Variants in FBN3 observed in about 807,000 individuals in gnomAD.
FBN3 encodes the protein fibrillin-3.
Under a neutral mutation model 330.1 loss-of-function variants are expected in FBN3, and 234 were observed. That is an observed-to-expected ratio of 0.71 (90% confidence interval 0.64 to 0.79). The LOEUF is 0.79. FBN3 is among the 30% of genes least tolerant of loss of function. The pLI is 0.00. For missense variants in FBN3, 3,606 were observed against 3,886.9 expected, an observed-to-expected ratio of 0.93 and a Z score of 1.92; for synonymous variants, 1,458 against 1,517.3, an observed-to-expected ratio of 0.96 and a Z score of 0.91.
chr19:8,146,246 G>T, intron 3 of FBN3, 21 bp from the exon 4 acceptor site: 1 of 1,570,336 alleles, frequency 6.4e-7, no homozygotes, highest in Non-Finnish European at 8.6e-7. Flanking sequence ...GCAGCGGGTG[G>T]CAGTCAAGAC....
Position 8,144,921 on chromosome 19 carries a change from C to A in FBN3, c.497G>T (p.Arg166Leu). The change falls in exon 6 of 64, where the codon CGC (arginine) becomes CTC (leucine). Residue 166 changes from arginine to leucine, a missense_variant. Transcript: ENST00000600128. Reference sequence around the variant, plus strand: ...CATGAAGCCATACACACAGGCGCAGCGGTTGGGCCCAATGCAGCGACCCCC... The same window carrying A: ...CATGAAGCCATACACACAGGCGCAGAGGTTGGGCCCAATGCAGCGACCCCC... ...HNGGRCIGPN[R>L]CACVYGFMGP... 1 of 1,612,428 alleles carries A rather than the reference C, an allele frequency of 6.2e-7. No individual in the cohort carries two copies. The highest frequency in any genetic ancestry group is 8.5e-7 in the Non-Finnish European group (1 of 1,179,676).
intron 8 of FBN3, 79 bp downstream of exon 8, chr19:8,141,638 C>T: frequency 6.6e-7 from 1 of 1,515,396 alleles, no homozygotes; most frequent in South Asian, 1.3e-5. Context: ...GACCCCTCTG[C>T]CTTCCTGCAG....
Position 8,096,742 on chromosome 19 carries a change from T to C in FBN3, c.5413+139A>G. 1 of 1,287,610 alleles carries C rather than the reference T, an allele frequency of 7.8e-7. No homozygotes were observed. The highest frequency in any genetic ancestry group is 1.1e-6 in the Non-Finnish European group (1 of 929,550). 79.8% of individuals were successfully genotyped at this position (1,287,610 alleles called of 1,614,324 possible). On this transcript the variant is annotated intron_variant, in intron 43 of 63. Transcript: ENST00000600128. The surrounding 1 kb of genome is among the most constrained non-coding windows in gnomAD (Gnocchi z 4.6). ...AGCTCTCACCTCTATCACATCCTAT[T>C]AACAGACACTCTCAATACATCCCCC...
At position 8,083,298 on chromosome 19, in the gene FBN3, A is replaced by T; in HGVS notation, c.7162T>A (p.Cys2388Ser). The change falls in exon 57 of 64, where the codon TGC becomes AGC. Residue 2388 changes from cysteine to serine, a missense_variant. Cys to Ser is a moderately radical substitution (Grantham distance 112). Coordinates refer to ENST00000600128, the MANE Select transcript of FBN3 (RefSeq NM_032447.5). ...ECINSLGSFR[C>S]HCQAGYTPDA... ...GGTGTGTACCCGGCCTGACAGTGGCAGCGGAAGGAGCCAAGGCTGTTGATG... is the reference window on the plus strand; with the variant it reads ...GGTGTGTACCCGGCCTGACAGTGGCTGCGGAAGGAGCCAAGGCTGTTGATG... The T allele has an allele frequency of 6.2e-7, 1 of 1,614,164 alleles. No homozygotes were observed. The highest frequency in any genetic ancestry group is 1.1e-5 in the South Asian group (1 of 91,090).
chr19:8,114,260 G>GA (rs1402339198), intron 30 of FBN3, among the ~76,000 whole-genome samples: 1 of 148,034 alleles, frequency 6.8e-6, no homozygotes, highest in Non-Finnish European at 1.5e-5. Context: ...AAAAAAGTTT[G>GA]TTTTTTTGAG....
rs1009631217 is a variant in FBN3 at position 8,121,875 on chromosome 19, G to A, written c.3083-489C>T. Among the ~76,000 whole-genome samples the A allele has an allele frequency of 1.1e-4, 17 of 151,922 alleles. No homozygotes were observed. Among genetic ancestry groups the A allele is most frequent in the Admixed American group, 1.1e-3 (17 of 15,254 alleles). On this transcript the variant is annotated intron_variant, in intron 24 of 63. Coordinates refer to ENST00000600128, the MANE Select transcript of FBN3 (RefSeq NM_032447.5). The surrounding 1 kb of genome is among the most constrained non-coding windows in gnomAD (Gnocchi z 4.5). Reference sequence around the variant, plus strand: ...AGCGATTCTCCTGCCTCAGCCTCCCGAGTAGCTGGGATTACAGGTGTGTGC... The same window carrying A: ...AGCGATTCTCCTGCCTCAGCCTCCCAAGTAGCTGGGATTACAGGTGTGTGC...
chr19:8,083,915 G>A (rs2081871333), intron 56 of FBN3, among the ~76,000 whole-genome samples: 1 of 150,512 alleles, frequency 6.6e-6, no homozygotes, highest in Non-Finnish European at 1.5e-5. Flanking sequence ...CCATTCTCCT[G>A]CCTCAGCCTC....
intron 26 of FBN3, among the ~76,000 whole-genome samples, chr19:8,118,623 TCACA>T (rs2082764521): frequency 6.8e-6 from 1 of 147,624 alleles, no homozygotes; most frequent in Admixed American, 6.7e-5. Context: ...AGACACACAG[TCACA>T]CAAATGCACA....
chr19:8,096,619 G>A lies in FBN3; in HGVS notation c.5414-50C>T, dbSNP rs200759071. ...TCCCAGGGCTCCTACCACAGTGTTT[G>A]CCTGAGCTCTCCCTACTGCAATGGG... On this transcript the variant is annotated intron_variant, in intron 43 of 63. Coordinates refer to ENST00000600128, the MANE Select transcript of FBN3 (RefSeq NM_032447.5). The surrounding 1 kb of genome is among the most constrained non-coding windows in gnomAD (Gnocchi z 4.6). 1 of 1,560,134 alleles carries A rather than the reference G, an allele frequency of 6.4e-7. No homozygotes were observed. The highest frequency in any genetic ancestry group is 2.3e-5 in the East Asian group (1 of 44,336).
chr19:8,127,054 T>TTA (rs1403000084), intron 18 of FBN3, among the ~76,000 whole-genome samples: 1 of 110,260 alleles, frequency 9.1e-6, no homozygotes, highest in East Asian at 2.8e-4. Flanking sequence ...AACTGTTTTT[T>TTA]TTTTGTTTTT....
rs1268358625 is a variant in FBN3 at position 8,081,213 on chromosome 19, G to A, written c.7337-94C>T. 5 of 1,487,168 alleles carry A rather than the reference G, an allele frequency of 3.4e-6. No homozygotes were observed. The East Asian group carries it at 1.1e-4, about 34-fold the overall frequency. 92.1% of individuals were successfully genotyped at this position (1,487,168 alleles called of 1,614,324 possible). A position where few individuals can be genotyped will look rare whatever the true frequency, so the allele number is the denominator to read the frequency against. On this transcript the variant is annotated intron_variant, in intron 58 of 63. Transcript: ENST00000600128. ...GCCCTTGCCACCTCCAGGCAGAGGG[G>A]TGACAAGAGAAAGACCTCGGAGATG... is the stretch of plus-strand genomic sequence containing the variant.
rs2081839000 is a variant in FBN3, at chr19:8,082,854, A to G, written c.7213+393T>C. On this transcript the variant is annotated intron_variant, in intron 57 of 63. Coordinates refer to ENST00000600128, the MANE Select transcript of FBN3 (RefSeq NM_032447.5). ...TTCATTTTTTAAGAGACAGGGTCTCACTCTGTCACCCAGGCTGGACTGCAG... is the reference window on the plus strand; with the variant it reads ...TTCATTTTTTAAGAGACAGGGTCTCGCTCTGTCACCCAGGCTGGACTGCAG... Among the ~76,000 whole-genome samples, 4 of 139,872 alleles carry G rather than the reference A, an allele frequency of 2.9e-5. No homozygotes were observed. In the South Asian group the frequency reaches 8.8e-4, roughly 31 times the overall value. The allele number at this position is 139,872 out of a possible 152,430, so 91.8% of individuals were successfully genotyped here. A position where few individuals can be genotyped will look rare whatever the true frequency, so the allele number is the denominator to read the frequency against.
chr19:8,120,658 A>G (rs1564204), intron 25 of FBN3, among the ~76,000 whole-genome samples: 57,335 of 151,704 alleles, frequency 0.38, 11,657 homozygotes, highest in African/African-American at 0.52. Flanking sequence ...AAAAAACTTT[A>G]TAGTGACAGG....
chr19:8,118,996 G>C lies in FBN3; in HGVS notation c.3238C>G (p.Leu1080Val). The change falls in exon 26 of 64, where the codon CTG becomes GTG. Residue 1080 changes from leucine to valine, a missense_variant. Leu to Val is a conservative substitution (Grantham distance 32). Transcript: ENST00000600128. ...GTGCAAGTGCCTCCCCGGCAGAGCA[G>C]CGGGTCCCTTGCACACTCGTCCACG... ...MDVDECARDP[L>V]LCRGGTCTNT... 1 of 1,608,878 alleles carries C rather than the reference G, an allele frequency of 6.2e-7. No individual in the cohort carries two copies. The highest frequency in any genetic ancestry group is 8.5e-7 in the Non-Finnish European group (1 of 1,175,870).
chr19:8,074,878 G>A (rs2081603016), intron 61 of FBN3, 193 bp downstream of exon 61: 8 of 639,526 alleles, frequency 1.3e-5, no homozygotes, highest in Non-Finnish European at 2.0e-5. Context: ...AATGAACTCA[G>A]ACACTTTTTG....
intron 47 of FBN3, 50 bp from the exon 48 acceptor site, chr19:8,091,640 C>T: frequency 6.2e-7 from 1 of 1,601,446 alleles, no homozygotes; most frequent in Non-Finnish European, 8.5e-7. Context: ...GGACCTCCAT[C>T]AGTGGGGAGA....
intron 38 of FBN3, among the ~76,000 whole-genome samples, chr19:8,105,074 C>T (rs2082409425): frequency 1.3e-5 from 2 of 151,954 alleles, no homozygotes; most frequent in South Asian, 4.2e-4. Flanking sequence ...CCTGCCTCAG[C>T]CTCCCGAGTA....
intron 28 of FBN3, 129 bp from the exon 29 acceptor site, chr19:8,116,928 G>A (rs2082718590): frequency 1.6e-6 from 2 of 1,246,406 alleles, no homozygotes; most frequent in East Asian, 2.5e-5. Context: ...AGTAGTCTGG[G>A]GGCGCTCAAG....
At chr19:8,113,771 G>T (rs1342256715) in intron 30 of FBN3, among the ~76,000 whole-genome samples, 1 of 149,660 alleles carries the variant, frequency 6.7e-6, no homozygotes, top group Non-Finnish European at 1.5e-5. Flanking sequence ...TTGGGAGGCC[G>T]AGGCAAGAGG....
Sources: gnomAD v4.1 joint callset for allele counts (sites outside exome capture counted in the v4.1 genomes callset) on GRCh38, gnomAD v4.1.1 for gene constraint, Gnocchi (gnomAD v3.1) non-coding constraint, MANE v1.5 for transcripts, NCBI Gene and HGNC (gene_info 2026-07-23, HGNC 2026-07-21) for gene names.